The following CSMD1 variants were observed in gnomAD, a reference collection of about 807,000 sequenced individuals.
CSMD1 encodes CUB and sushi domain-containing protein 1.
In CSMD1, 213 loss-of-function variants were observed where a neutral mutation model predicts 417.5. The ratio of observed to expected loss-of-function variants is 0.51; its 90% CI spans 0.46 to 0.57. CSMD1 has a LOEUF of 0.57. Ranked by LOEUF, CSMD1 falls within the 20% of genes least tolerant of loss-of-function variation. CSMD1 has a pLI of 0.00. For missense variants in CSMD1, 6,923 were observed against 4,529.7 expected (o/e 1.53, Z -15.17); for synonymous variants, 2,862 against 1,736.8 (o/e 1.65, Z -16.11).
intron 5 of CSMD1, among the ~76,000 whole-genome samples, chr8:3,907,756 G>C (rs1461878706): frequency 1.3e-5 from 2 of 152,166 alleles, no homozygotes; most frequent in Middle Eastern, 3.2e-3. Flanking sequence ...GCCTGTGTCA[G>C]TCAGTAACAG....
At chr8:3,018,392 C>G in intron 52 of CSMD1, 85 bp downstream of exon 52, 2 of 1,275,586 alleles carry the variant, frequency 1.6e-6, no homozygotes, top group South Asian at 1.6e-5. Context: ...GGCATTATAG[C>G]AAGAAGTCAT....
chr8:4,786,438 T>C (rs1377353042), intron 1 of CSMD1, among the ~76,000 whole-genome samples: 2 of 152,246 alleles, frequency 1.3e-5, no homozygotes, highest in African/African-American at 4.8e-5. Flanking sequence ...TCTCCAGCAT[T>C]CATCATGTAT....
At chr8:4,933,903 T>C (rs911846124) in intron 1 of CSMD1, among the ~76,000 whole-genome samples, 3 of 152,194 alleles carry the variant, frequency 2.0e-5, no homozygotes, top group African/African-American at 7.2e-5. Flanking sequence ...AGGGTTTTCA[T>C]TTGTTACATT....
intron 2 of CSMD1, among the ~76,000 whole-genome samples, chr8:4,561,950 C>A (rs756233603): frequency 8.5e-5 from 13 of 152,166 alleles, no homozygotes; most frequent in Non-Finnish European, 1.5e-4. Context: ...ACACTGCCAG[C>A]CCCTCACAAC....
intron 2 of CSMD1, among the ~76,000 whole-genome samples, chr8:4,554,906 G>A (rs1244770993): frequency 6.6e-6 from 1 of 152,140 alleles, no homozygotes; most frequent in Non-Finnish European, 1.5e-5. Flanking sequence ...GTTCATGGAT[G>A]TGGGATGCTG....
At chr8:4,545,012 C>T (rs146957139) in intron 2 of CSMD1, among the ~76,000 whole-genome samples, 34 of 152,290 alleles carry the variant, frequency 2.2e-4, no homozygotes, top group African/African-American at 4.3e-4. Context: ...ATATTTATCA[C>T]GCACGTATCT....
intron 1 of CSMD1, among the ~76,000 whole-genome samples, chr8:4,811,825 G>A (rs561170526): frequency 6.6e-6 from 1 of 152,196 alleles, no homozygotes; most frequent in South Asian, 2.1e-4. Context: ...AGGAAAAGAT[G>A]TGATTTTTTT....
intron 5 of CSMD1, among the ~76,000 whole-genome samples, chr8:3,777,179 G>A (rs149315223): frequency 6.6e-6 from 1 of 151,582 alleles, no homozygotes; most frequent in Non-Finnish European, 1.5e-5. Context: ...ATATGTATGT[G>A]TGTCTGTTAC....
Position 4,001,022 on chromosome 8 carries a change from C to G in CSMD1, c.611-2912G>C, listed in dbSNP as rs193102398. On this transcript the variant is annotated intron_variant, in intron 4 of 69. Coordinates refer to ENST00000635120, the MANE Select transcript of CSMD1 (RefSeq NM_033225.6). The stretch of plus-strand genomic sequence containing the variant: ...ATTCACCTTGTTGGCAAGAAATCCC[C>G]CCTTTCAATGTTTCAGAGGGGAAAA... 2.5e-4 allele frequency among the ~76,000 whole-genome samples: 37 copies of G among 149,252 alleles called. No individual in the cohort carries two copies. In the East Asian group the frequency reaches 7.2e-3, roughly 29 times the overall value.
intron 2 of CSMD1, among the ~76,000 whole-genome samples, chr8:4,434,237 G>C (rs1427666276): frequency 4.6e-5 from 7 of 152,030 alleles, no homozygotes; most frequent in Admixed American, 4.6e-4. Context: ...AATTCCATAG[G>C]GTGTGGCTGT....
At chr8:4,347,157 G>T (rs537317815) in intron 3 of CSMD1, among the ~76,000 whole-genome samples, 1 of 152,086 alleles carries the variant, frequency 6.6e-6, no homozygotes, top group Non-Finnish European at 1.5e-5. Flanking sequence ...TGTGACAACT[G>T]GGATCGGTGT....
chr8:3,200,070 T>C (rs936282547), intron 32 of CSMD1, among the ~76,000 whole-genome samples: 2 of 152,116 alleles, frequency 1.3e-5, no homozygotes, highest in African/African-American at 4.8e-5. Context: ...AAAGCACCAA[T>C]GGTAGGCCTA....
chr8:4,910,268 C>T (rs1205290771), intron 1 of CSMD1, among the ~76,000 whole-genome samples: 2 of 147,118 alleles, frequency 1.4e-5, no homozygotes, highest in Non-Finnish European at 2.9e-5. Flanking sequence ...TATCTCATCA[C>T]AGTGAACAGT....
At chr8:3,772,185 TATATACACACACAC>T (rs1563063582) in intron 5 of CSMD1, among the ~76,000 whole-genome samples, 2 of 70,026 alleles carry the variant, frequency 2.9e-5, no homozygotes, top group African/African-American at 8.4e-5. Flanking sequence ...TATATATATA[TATATACACACACAC>T]ACACACACAC....
chr8:4,529,547 T>C (rs1020841191), intron 2 of CSMD1, among the ~76,000 whole-genome samples: 13 of 152,188 alleles, frequency 8.5e-5, no homozygotes, highest in Non-Finnish European at 1.8e-4. Flanking sequence ...ATTGACAGGG[T>C]AAATATAAGT....
chr8:4,800,299 T>G, intron 1 of CSMD1, among the ~76,000 whole-genome samples: 1 of 151,952 alleles, frequency 6.6e-6, no homozygotes, highest in African/African-American at 2.4e-5. Context: ...GGCATGGTGG[T>G]GCACACATGT....
intron 21 of CSMD1, among the ~76,000 whole-genome samples, chr8:3,358,112 C>G (rs970618490): frequency 2.0e-5 from 3 of 152,106 alleles, no homozygotes; most frequent in African/African-American, 4.8e-5. Context: ...ACAAGTTATG[C>G]TAAGTGAACA....
chr8:4,349,959 T>C (rs1275939878), intron 3 of CSMD1, among the ~76,000 whole-genome samples: 1 of 152,128 alleles, frequency 6.6e-6, no homozygotes, highest in African/African-American at 2.4e-5. Flanking sequence ...AACAAATGTA[T>C]GCTGTAGACT....
At chr8:4,482,110 A>T (rs986763165) in intron 2 of CSMD1, among the ~76,000 whole-genome samples, 1 of 152,126 alleles carries the variant, frequency 6.6e-6, no homozygotes, top group African/African-American at 2.4e-5. Context: ...CTTTTAAAAA[A>T]CTTTTAAGTT....
Sources: gnomAD v4.1 joint callset for allele counts (sites outside exome capture counted in the v4.1 genomes callset) on GRCh38, gnomAD v4.1.1 for gene constraint, MANE v1.5 for transcripts, NCBI Gene and HGNC (gene_info 2026-07-23, HGNC 2026-07-21) for gene names.